Variants in FRMD6 observed in about 807,000 individuals in gnomAD.
FRMD6 encodes FERM domain containing 6.
Under a neutral mutation model 73.2 loss-of-function variants are expected in FRMD6, and 37 were observed. The ratio of observed to expected loss-of-function variants is 0.51; its 90% CI spans 0.39 to 0.66. The LOEUF (loss-of-function observed/expected upper bound fraction) is 0.66, where lower values mean the gene tolerates loss of function less well. FRMD6 is among the 30% of genes least tolerant of loss of function. The pLI is 0.00. For missense variants in FRMD6, 714 were observed against 780.5 expected (o/e 0.91, Z 1.02); for synonymous variants, 273 against 282.2 (o/e 0.97, Z 0.33).
the FRMD6 span, among the ~76,000 whole-genome samples, chr14:51,412,782 G>A: frequency 2.0e-5 from 3 of 151,862 alleles, no homozygotes; most frequent in Non-Finnish European, 4.4e-5. Flanking sequence ...AACCGGGGAG[G>A]CGCAGTTTGC....
chr14:51,619,551 C>G (rs1397982041), intron 2 of FRMD6, among the ~76,000 whole-genome samples: 1 of 152,188 alleles, frequency 6.6e-6, no homozygotes, highest in African/African-American at 2.4e-5. Flanking sequence ...TACATCACCA[C>G]CTCACAGAAG....
At chr14:51,461,418 A>C in the FRMD6 span, among the ~76,000 whole-genome samples, 1 of 152,218 alleles carries the variant, frequency 6.6e-6, no homozygotes, top group Non-Finnish European at 1.5e-5. Context: ...AAGTTTAGCT[A>C]TAAGTTAAAG....
At chr14:51,452,911 G>T in the FRMD6 span, among the ~76,000 whole-genome samples, 1 of 152,136 alleles carries the variant, frequency 6.6e-6, no homozygotes, top group Non-Finnish European at 1.5e-5. Context: ...TCTCATCATC[G>T]GTAATCTTTG....
chr14:51,644,866 C>T (rs200580947), intron 2 of FRMD6, among the ~76,000 whole-genome samples: 1 of 152,176 alleles, frequency 6.6e-6, no homozygotes. Context: ...GAGCGTATTT[C>T]CTCGCCCCCA....
At chr14:51,723,347 T>A (rs1414678622) in intron 12 of FRMD6, among the ~76,000 whole-genome samples, 1 of 152,172 alleles carries the variant, frequency 6.6e-6, no homozygotes, top group African/African-American at 2.4e-5. Context: ...GACCTGGACT[T>A]TGCGTTTATA....
At chr14:51,501,390 C>A (rs1164579083) in intron 1 of FRMD6, among the ~76,000 whole-genome samples, 8 of 152,064 alleles carry the variant, frequency 5.3e-5, no homozygotes, top group Non-Finnish European at 8.8e-5. Context: ...TCCCAACAGG[C>A]CCCAGTGTGT....
chr14:51,708,907 A>G (rs997942032), intron 7 of FRMD6, among the ~76,000 whole-genome samples: 1 of 152,118 alleles, frequency 6.6e-6, no homozygotes, highest in African/African-American at 2.4e-5. Context: ...TCACTCTCGG[A>G]AGTTACTCTC....
At chr14:51,596,164 G>C (rs1218624408) in intron 2 of FRMD6, among the ~76,000 whole-genome samples, 1 of 151,984 alleles carries the variant, frequency 6.6e-6, no homozygotes, top group Non-Finnish European at 1.5e-5. Flanking sequence ...GTCTCATTTG[G>C]TCACAGTAAT....
chr14:51,699,001 G>A lies in FRMD6; in HGVS notation c.190+769G>A, dbSNP rs60886922. On this transcript the variant is annotated intron_variant, in intron 3 of 13. Transcript: ENST00000344768. ...GTATTTAATTCTAATTCTTGAATAT[G>A]GTTTATTTTCTACTGCTGGAATTGG... Among the ~76,000 whole-genome samples the A allele has an allele frequency of 8.2e-3, 1,251 of 151,942 alleles. 22 individuals are homozygous for A. Among genetic ancestry groups the A allele is most frequent in the Middle Eastern group, 0.027 (8 of 294 alleles).
At chr14:51,412,990 A>AT in the FRMD6 span, among the ~76,000 whole-genome samples, 10,725 of 133,910 alleles carry the variant, frequency 0.08, 547 homozygotes, top group African/African-American at 0.11. Context: ...CCATAGTTAA[A>AT]TTTTTTTTTT....
chr14:51,525,979 A>G (rs1885232827), intron 1 of FRMD6, among the ~76,000 whole-genome samples: 1 of 152,188 alleles, frequency 6.6e-6, no homozygotes, highest in Non-Finnish European at 1.5e-5. Context: ...GGCAGGGCAC[A>G]GGAGGCATCC....
intron 1 of FRMD6, among the ~76,000 whole-genome samples, chr14:51,496,948 A>G (rs531854454): frequency 2.6e-5 from 4 of 152,312 alleles, no homozygotes; most frequent in Admixed American, 6.5e-5. Flanking sequence ...TTGCCTTCCA[A>G]CATAGCATAT....
intron 1 of FRMD6, among the ~76,000 whole-genome samples, chr14:51,670,030 G>GA (rs953967578): frequency 3.1e-4 from 46 of 148,058 alleles, no homozygotes; most frequent in South Asian, 1.1e-3. Flanking sequence ...GATTTTTACC[G>GA]AAAAAAAAAA....
At position 51,549,591 on chromosome 14, in the gene FRMD6, C is replaced by CTTTTTTTTTTT. The variant is rs1168905376; in HGVS notation, c.-209-20754_-209-20753insTTTTTTTTTTT. On this transcript the variant is annotated intron_variant, in intron 1 of 14. Transcript: ENST00000356218. Reference sequence around the variant, plus strand: ...CAGCTGGAGTATAAACTTTTTTTTTCTTTCTTTTTTTTTTTTTTTTTTTTG... The same window carrying CTTTTTTTTTTT: ...CAGCTGGAGTATAAACTTTTTTTTTCTTTTTTTTTTTTTTCTTTTTTTTTTTTTTTTTTTTG... 5.1e-4 allele frequency among the ~76,000 whole-genome samples: 48 copies of CTTTTTTTTTTT among 93,582 alleles called. 1 individual carries two copies. Among genetic ancestry groups the CTTTTTTTTTTT allele is most frequent in the South Asian group, 1.3e-3 (3 of 2,386 alleles). 61.4% of individuals were successfully genotyped at this position (93,582 alleles called of 152,430 possible). A position where few individuals can be genotyped will look rare whatever the true frequency, so the allele number is the denominator to read the frequency against.
At chr14:51,500,535 T>C (rs1456739036) in intron 1 of FRMD6, among the ~76,000 whole-genome samples, 2 of 112,546 alleles carry the variant, frequency 1.8e-5, no homozygotes, top group Non-Finnish European at 1.7e-5. Context: ...AGTGAGACTC[T>C]GTCTCAAAAA....
At chr14:51,497,574 C>T (rs1026903931) in intron 1 of FRMD6, among the ~76,000 whole-genome samples, 2 of 152,004 alleles carry the variant, frequency 1.3e-5, no homozygotes, top group African/African-American at 4.8e-5. Flanking sequence ...ATCCTAATAG[C>T]CACATATTTT....
intron 2 of FRMD6, among the ~76,000 whole-genome samples, chr14:51,628,656 T>A (rs2139963952): frequency 6.6e-6 from 1 of 151,458 alleles, no homozygotes; most frequent in East Asian, 2.0e-4. Flanking sequence ...CTACTAAAAG[T>A]ACAAAAATTA....
chr14:51,537,966 T>C (rs1281627099), intron 1 of FRMD6, among the ~76,000 whole-genome samples: 1 of 152,188 alleles, frequency 6.6e-6, no homozygotes, highest in East Asian at 1.9e-4. Flanking sequence ...GTCTTTTTGT[T>C]CTCTTGACAG....
the FRMD6 span, among the ~76,000 whole-genome samples, chr14:51,470,306 C>T: frequency 2.0e-5 from 3 of 152,102 alleles, no homozygotes; most frequent in South Asian, 2.1e-4. Flanking sequence ...ATCACAAGGT[C>T]GAGAGTTCCA....
Sources: gnomAD v4.1 joint callset for allele counts (sites outside exome capture counted in the v4.1 genomes callset) on GRCh38, gnomAD v4.1.1 for gene constraint, MANE v1.5 for transcripts, NCBI Gene and HGNC (gene_info 2026-07-23, HGNC 2026-07-21) for gene names.